The following FGD6 variants were observed in gnomAD, a reference collection of about 807,000 sequenced individuals.
FGD6 encodes the protein FYVE, RhoGEF and PH domain containing 6.
A neutral mutation model predicts 149.4 loss-of-function variants in FGD6; 90 were observed. The ratio of observed to expected loss-of-function variants is 0.60; its 90% CI spans 0.51 to 0.72. The LOEUF is 0.72. FGD6 is among the 30% of genes least tolerant of loss of function. The pLI is 0.00. For synonymous variants in FGD6, 527 were observed against 584.0 expected (o/e 0.90, Z 1.41); for missense variants, 1,437 against 1,684.8 (o/e 0.85, Z 2.57).
At chr12:95,174,699 C>A (rs1002902877) in intron 2 of FGD6, among the ~76,000 whole-genome samples, 2 of 151,944 alleles carry the variant, frequency 1.3e-5, no homozygotes, top group Admixed American at 1.3e-4. Context: ...GAAGCTGAGG[C>A]GGGTGGATCA....
intron 14 of FGD6, among the ~76,000 whole-genome samples, chr12:95,097,634 CAAAAAAAAAAA>C (rs34057454): frequency 6.9e-5 from 3 of 43,392 alleles, no homozygotes; most frequent in South Asian, 1.3e-3. Flanking sequence ...GACTCTGTCT[CAAAAAAAAAAA>C]AAAAAAAAAA....
At chr12:95,089,430 A>T in intron 18 of FGD6, 139 bp downstream of exon 18, 1 of 1,093,126 alleles carries the variant, frequency 9.1e-7, no homozygotes, top group Non-Finnish European at 1.3e-6. Flanking sequence ...GGCATCAGCC[A>T]CATCCATCAT....
chr12:95,137,959 T>C (rs867696717), intron 6 of FGD6, among the ~76,000 whole-genome samples: 1 of 152,020 alleles, frequency 6.6e-6, no homozygotes, highest in Non-Finnish European at 1.5e-5. Flanking sequence ...CAGTGGCTCA[T>C]ACCTGTAATC....
chr12:95,177,564 C>A (rs1189696557), intron 2 of FGD6, among the ~76,000 whole-genome samples: 1 of 152,156 alleles, frequency 6.6e-6, no homozygotes, highest in Non-Finnish European at 1.5e-5. Context: ...CTGGCCCAAA[C>A]TGAACAGAAA....
At chr12:95,197,625 G>A (rs965198993) in intron 2 of FGD6, among the ~76,000 whole-genome samples, 5 of 151,986 alleles carry the variant, frequency 3.3e-5, no homozygotes, top group South Asian at 2.1e-4. Flanking sequence ...AAGTATTTTA[G>A]CCTTACAAAA....
intron 5 of FGD6, among the ~76,000 whole-genome samples, chr12:95,146,819 T>C (rs965223798): frequency 6.6e-6 from 1 of 152,180 alleles, no homozygotes; most frequent in African/African-American, 2.4e-5. Context: ...TTTAATTCTT[T>C]TGAGATATTA....
At chr12:95,170,359 G>GGCC (rs1880955821) in intron 3 of FGD6, among the ~76,000 whole-genome samples, 2 of 152,184 alleles carry the variant, frequency 1.3e-5, no homozygotes, top group Non-Finnish European at 2.9e-5. Flanking sequence ...ACATAGGCTA[G>GGCC]GCCGGGCAGG....
intron 2 of FGD6, among the ~76,000 whole-genome samples, chr12:95,176,730 T>A (rs1266763068): frequency 6.6e-6 from 1 of 152,192 alleles, no homozygotes; most frequent in Non-Finnish European, 1.5e-5. Flanking sequence ...ACAGCACACC[T>A]CCACTGGAAG....
chr12:95,215,505 A>G (rs895699051), intron 1 of FGD6, among the ~76,000 whole-genome samples: 1 of 152,218 alleles, frequency 6.6e-6, no homozygotes, highest in Non-Finnish European at 1.5e-5. Flanking sequence ...CCCCATCTAG[A>G]CACCAGAAAG....
At chr12:95,177,048 G>A (rs1044030720) in intron 2 of FGD6, among the ~76,000 whole-genome samples, 2 of 152,086 alleles carry the variant, frequency 1.3e-5, no homozygotes, top group African/African-American at 4.8e-5. Flanking sequence ...GGCTGGTCTT[G>A]AACTCCTGGC....
chr12:95,120,319 A>T (rs555977015), intron 8 of FGD6, among the ~76,000 whole-genome samples: 105 of 151,752 alleles, frequency 6.9e-4, no homozygotes, highest in Non-Finnish European at 1.3e-3. Context: ...CAGGGAGAAT[A>T]ATTTATTTAT....
chr12:95,129,612 C>G (rs774608445), intron 8 of FGD6, among the ~76,000 whole-genome samples: 2 of 152,190 alleles, frequency 1.3e-5, no homozygotes, highest in Admixed American at 6.5e-5. Context: ...TCTTCCCATT[C>G]TTCCCAACTT....
intron 9 of FGD6, among the ~76,000 whole-genome samples, chr12:95,108,870 T>A (rs1411407700): frequency 6.6e-6 from 1 of 152,258 alleles, no homozygotes; most frequent in Non-Finnish European, 1.5e-5. Context: ...TGTTTTGTGC[T>A]GTGATTTGAT....
At chr12:95,149,870 AAT>A (rs1262253078) in intron 5 of FGD6, among the ~76,000 whole-genome samples, 1 of 146,748 alleles carries the variant, frequency 6.8e-6, no homozygotes, top group Non-Finnish European at 1.5e-5. Context: ...TATAATATAT[AAT>A]AGATTGCTAT....
chr12:95,167,817 T>C (rs1038348317), intron 3 of FGD6, among the ~76,000 whole-genome samples: 5 of 152,054 alleles, frequency 3.3e-5, no homozygotes, highest in Admixed American at 1.3e-4. Context: ...TCAAGTGATC[T>C]GCCCGCCTCG....
intron 7 of FGD6, among the ~76,000 whole-genome samples, chr12:95,135,033 T>C (rs1879628403): frequency 6.6e-6 from 1 of 152,154 alleles, no homozygotes; most frequent in African/African-American, 2.4e-5. Context: ...CCCTTTCCTG[T>C]AGGCAGTCCC....
At chr12:95,182,930 C>T (rs1366885413) in intron 2 of FGD6, among the ~76,000 whole-genome samples, 1 of 152,224 alleles carries the variant, frequency 6.6e-6, no homozygotes. Flanking sequence ...GTCAGCTGTA[C>T]ACACCCCTTT....
At chr12:95,102,431 G>A (rs561373949) in intron 14 of FGD6, among the ~76,000 whole-genome samples, 8 of 117,436 alleles carry the variant, frequency 6.8e-5, no homozygotes, top group Admixed American at 5.4e-4. Flanking sequence ...GTGACAGAGC[G>A]AGACCCTTTC....
intron 3 of FGD6, among the ~76,000 whole-genome samples, chr12:95,166,513 A>T (rs953116407): frequency 1.3e-5 from 2 of 152,088 alleles, no homozygotes; most frequent in African/African-American, 4.8e-5. Context: ...GTTGGATGCC[A>T]GCCTGGGCAA....
Sources: gnomAD v4.1 joint callset for allele counts (sites outside exome capture counted in the v4.1 genomes callset) on GRCh38, gnomAD v4.1.1 for gene constraint, MANE v1.5 for transcripts, NCBI Gene and HGNC (gene_info 2026-07-23, HGNC 2026-07-21) for gene names.